TMEM135: variants seen among roughly 807,000 people sequenced by gnomAD.
TMEM135 encodes the protein transmembrane protein 135, also known as peroxisomal membrane protein 52.
A neutral mutation model predicts 60.3 loss-of-function variants in TMEM135; 30 were observed. The observed-to-expected ratio is 0.50, with a 90% confidence interval of 0.37 to 0.68. TMEM135 has a LOEUF of 0.68. Ranked by LOEUF, TMEM135 falls within the 30% of genes least tolerant of loss-of-function variation. TMEM135 has a pLI of 0.00. For missense variants in TMEM135, 468 were observed against 548.8 expected (o/e 0.85, Z 1.47); for synonymous variants, 190 against 186.7 (o/e 1.02, Z -0.14).
At chr11:87,303,261 G>A (rs923191237) in intron 8 of TMEM135, among the ~76,000 whole-genome samples, 5 of 152,152 alleles carry the variant, frequency 3.3e-5, no homozygotes, top group Non-Finnish European at 7.3e-5. Context: ...TGAACTGCGC[G>A]TACAAGGGAT....
In TMEM135 at chr11:87,159,680, T is replaced by C. The variant is rs1565466474; in HGVS notation, c.462+2274T>C. Among the ~76,000 whole-genome samples the C allele has an allele frequency of 1.3e-5, 2 of 151,994 alleles. 1 individual carries two copies. The highest frequency in any genetic ancestry group is 1.3e-4 in the Admixed American group (2 of 15,236). On this transcript the variant is annotated intron_variant, in intron 5 of 14. Coordinates refer to ENST00000305494, the MANE Select transcript of TMEM135 (RefSeq NM_022918.4). ...AAATGGGTGCTATGATTCCTGACTT[T>C]AGAGGAGCTTACTCTCTGGTCGGGG...
At chr11:87,213,548 A>G (rs908072344) in intron 5 of TMEM135, among the ~76,000 whole-genome samples, 1 of 152,232 alleles carries the variant, frequency 6.6e-6, no homozygotes, top group African/African-American at 2.4e-5. Context: ...TCAAGCTTCC[A>G]TATTAATAGG....
intron 3 of TMEM135, among the ~76,000 whole-genome samples, chr11:87,080,584 C>T (rs1856969118): frequency 6.6e-6 from 1 of 151,760 alleles, no homozygotes; most frequent in Non-Finnish European, 1.5e-5. Flanking sequence ...TTTTTGTTAC[C>T]ATTTCTTCAT....
intron 4 of TMEM135, among the ~76,000 whole-genome samples, chr11:87,134,813 C>T (rs1395072260): frequency 6.6e-6 from 1 of 152,118 alleles, no homozygotes; most frequent in African/African-American, 2.4e-5. Context: ...TAAGAAGTGT[C>T]TAGGCTGTTT....
chr11:87,174,446 G>A (rs1440705463), intron 5 of TMEM135, among the ~76,000 whole-genome samples: 4 of 152,046 alleles, frequency 2.6e-5, no homozygotes, highest in African/African-American at 9.7e-5. Flanking sequence ...TTTTCAAAGT[G>A]TATACTTAGT....
chr11:87,169,516 G>A (rs1177702153), intron 5 of TMEM135, among the ~76,000 whole-genome samples: 1 of 151,698 alleles, frequency 6.6e-6, no homozygotes, highest in Admixed American at 6.6e-5. Context: ...AAATCTCTTA[G>A]CATTTGCTTG....
At chr11:87,276,108 A>G (rs921840391) in intron 6 of TMEM135, among the ~76,000 whole-genome samples, 10 of 152,206 alleles carry the variant, frequency 6.6e-5, no homozygotes, top group Admixed American at 2.6e-4. Flanking sequence ...TTCAAGTTAC[A>G]TATGCAAAGG....
At chr11:87,236,804 C>G (rs146816925) in intron 6 of TMEM135, 120 bp downstream of exon 6, 3 of 916,776 alleles carry the variant, frequency 3.3e-6, no homozygotes, top group African/African-American at 3.3e-5. Flanking sequence ...ATACTCCCCC[C>G]GCACCCCCGC....
intron 6 of TMEM135, among the ~76,000 whole-genome samples, chr11:87,282,009 A>G (rs556401027): frequency 2.0e-5 from 3 of 152,354 alleles, no homozygotes; most frequent in Admixed American, 6.5e-5. Flanking sequence ...AAGCTTTAGC[A>G]TTTTTAAGAA....
At chr11:87,083,216 G>A (rs1440227564) in intron 3 of TMEM135, among the ~76,000 whole-genome samples, 3 of 152,144 alleles carry the variant, frequency 2.0e-5, no homozygotes, top group Non-Finnish European at 4.4e-5. Context: ...TTGTTTCCAG[G>A]GTTGCTTAAA....
chr11:87,102,711 T>TGTATATATAA (rs202022015), intron 4 of TMEM135, among the ~76,000 whole-genome samples: 1 of 64,806 alleles, frequency 1.5e-5, no homozygotes, highest in South Asian at 3.8e-4. Flanking sequence ...TATGTATATA[T>TGTATATATAA]ATGTATATAT....
intron 5 of TMEM135, among the ~76,000 whole-genome samples, chr11:87,162,533 C>A (rs1938908355): frequency 6.9e-6 from 1 of 145,316 alleles, no homozygotes; most frequent in South Asian, 2.3e-4. Context: ...CATCTGTGTC[C>A]CTGCAAAGGA....
chr11:87,277,187 A>G (rs1482655664), intron 6 of TMEM135: 6 of 240,764 alleles, frequency 2.5e-5, no homozygotes, highest in South Asian at 2.2e-4. Flanking sequence ...GCTGGAGTGC[A>G]GTGGTGTGAT....
At chr11:87,043,587 G>A (rs1487530126) in intron 1 of TMEM135, among the ~76,000 whole-genome samples, 1 of 151,962 alleles carries the variant, frequency 6.6e-6, no homozygotes, top group Non-Finnish European at 1.5e-5. Flanking sequence ...GCTGGGCATG[G>A]TGGTGTGCAC....
At chr11:87,287,687 A>G (rs1262799758) in intron 6 of TMEM135, among the ~76,000 whole-genome samples, 1 of 152,118 alleles carries the variant, frequency 6.6e-6, no homozygotes, top group African/African-American at 2.4e-5. Context: ...TAAATTAATA[A>G]ATAATAAATA....
intron 5 of TMEM135, among the ~76,000 whole-genome samples, chr11:87,173,730 CAG>C (rs1483663786): frequency 1.3e-5 from 2 of 152,056 alleles, no homozygotes; most frequent in African/African-American, 2.4e-5. Context: ...TTATTTATAA[CAG>C]TGTGTGAACT....
chr11:87,269,640 C>T (rs1941825936), intron 6 of TMEM135, among the ~76,000 whole-genome samples: 1 of 151,452 alleles, frequency 6.6e-6, no homozygotes, highest in Non-Finnish European at 1.5e-5. Context: ...GGATGATTTC[C>T]AATTTCATCC....
chr11:87,140,231 C>G (rs1009105684), intron 4 of TMEM135, among the ~76,000 whole-genome samples: 4 of 151,988 alleles, frequency 2.6e-5, no homozygotes, highest in African/African-American at 9.7e-5. Flanking sequence ...CCACGCCCGG[C>G]TAATTTTTTG....
chr11:87,126,959 T>C (rs1332171005), intron 4 of TMEM135, among the ~76,000 whole-genome samples: 1 of 152,206 alleles, frequency 6.6e-6, no homozygotes, highest in Non-Finnish European at 1.5e-5. Context: ...TGGAATCTGT[T>C]ACATCCTTTT....
Sources: allele counts gnomAD v4.1 joint callset (sites outside exome capture counted in the v4.1 genomes callset), GRCh38; gene constraint gnomAD v4.1.1; transcripts MANE v1.5; gene names NCBI Gene and HGNC (gene_info 2026-07-23, HGNC 2026-07-21).